PLEKHA7: variants seen among roughly 807,000 people sequenced by gnomAD.
PLEKHA7 encodes the protein pleckstrin homology domain-containing family A member 7.
PLEKHA7 carries 104 observed loss-of-function variants against 170.0 expected under a neutral mutation model. The observed-to-expected ratio is 0.61, with a 90% confidence interval of 0.52 to 0.72. PLEKHA7 has a LOEUF of 0.72. Ranked by LOEUF, PLEKHA7 falls within the 30% of genes least tolerant of loss-of-function variation. The probability of loss-of-function intolerance (pLI) is 0.00; values close to 1 mark genes in which losing one functional copy is unlikely to be tolerated. For synonymous variants in PLEKHA7, 648 were observed against 660.8 expected, an observed-to-expected ratio of 0.98 and a Z score of 0.30; for missense variants, 1,615 against 1,671.7, an observed-to-expected ratio of 0.97 and a Z score of 0.59.
intron 24 of PLEKHA7, 87 bp downstream of exon 24, chr11:16,786,142 A>G: frequency 1.4e-6 from 2 of 1,459,890 alleles, no homozygotes; most frequent in South Asian, 2.6e-5. Flanking sequence ...CCTGTTCAGG[A>G]TGATACCCCA....
chr11:16,836,204 A>G (rs1489207348), intron 9 of PLEKHA7, among the ~76,000 whole-genome samples: 2 of 152,214 alleles, frequency 1.3e-5, no homozygotes, highest in African/African-American at 4.8e-5. Context: ...ACCAGGCCCT[A>G]GATGTGCCAG....
chr11:16,979,800 A>G (rs1385096149), intron 3 of PLEKHA7, among the ~76,000 whole-genome samples: 1 of 152,004 alleles, frequency 6.6e-6, no homozygotes, highest in Non-Finnish European at 1.5e-5. Flanking sequence ...TCTTTGGTCT[A>G]CCAATATTTC....
At chr11:16,985,980 A>G (rs1863702813) in intron 3 of PLEKHA7, among the ~76,000 whole-genome samples, 2 of 152,262 alleles carry the variant, frequency 1.3e-5, no homozygotes, top group South Asian at 4.1e-4. Flanking sequence ...GGGTGGCCAC[A>G]GATGGCTTCC....
At chr11:16,921,596 G>A (rs1033516443) in intron 3 of PLEKHA7, among the ~76,000 whole-genome samples, 8 of 152,170 alleles carry the variant, frequency 5.3e-5, no homozygotes, top group African/African-American at 1.9e-4. Flanking sequence ...ATGACTTCCA[G>A]TAAGGAGTCA....
intron 9 of PLEKHA7, among the ~76,000 whole-genome samples, chr11:16,833,118 G>A (rs1174227711): frequency 1.3e-5 from 2 of 152,182 alleles, no homozygotes; most frequent in African/African-American, 2.4e-5. Flanking sequence ...GAGTTAAATA[G>A]GGCAGCTCCC....
chr11:16,847,773 C>T (rs918962235), intron 8 of PLEKHA7, among the ~76,000 whole-genome samples: 5 of 141,792 alleles, frequency 3.5e-5, no homozygotes, highest in African/African-American at 1.1e-4. Flanking sequence ...ACCCAGGAGG[C>T]GGAGGTTGCA....
chr11:16,890,766 G>GA (rs1856553496), intron 3 of PLEKHA7, among the ~76,000 whole-genome samples: 1 of 151,654 alleles, frequency 6.6e-6, no homozygotes, highest in Non-Finnish European at 1.5e-5. Flanking sequence ...CAAGGATTAA[G>GA]AAAAAAATCA....
At chr11:16,821,581 A>G (rs778315235) in intron 10 of PLEKHA7, among the ~76,000 whole-genome samples, 19 of 152,216 alleles carry the variant, frequency 1.2e-4, no homozygotes, top group Non-Finnish European at 2.6e-4. Flanking sequence ...TGCTCAGTCT[A>G]ATGAGATTAG....
chr11:16,874,444 T>C (rs1351800224), intron 3 of PLEKHA7, among the ~76,000 whole-genome samples: 1 of 152,154 alleles, frequency 6.6e-6, no homozygotes, highest in Non-Finnish European at 1.5e-5. Flanking sequence ...GAGTCAAGGC[T>C]GCAGTGAGCC....
At chr11:16,834,155 C>T (rs10741710) in intron 9 of PLEKHA7, among the ~76,000 whole-genome samples, 69,970 of 151,830 alleles carry the variant, frequency 0.46, 17,817 homozygotes, top group East Asian at 0.71. Context: ...GGATTACAGG[C>T]ATGTGCCAAC....
At position 16,789,742 on chromosome 11, in the gene PLEKHA7, C is replaced by G. The variant is rs201771653; in HGVS notation, c.3156+33G>C. ...GACCCTCCCTCCCCATGTGAAGGAG[C>G]AGGGAGGTCCTCGACAGCTCAAGGC... On this transcript the variant is annotated intron_variant, in intron 22 of 26. Transcript: ENST00000531066. The surrounding 1 kb of genome is among the most constrained non-coding windows in gnomAD (Gnocchi z 4.6). The G allele has an allele frequency of 1.3e-6, 2 of 1,548,994 alleles. No homozygotes were observed. The highest frequency in any genetic ancestry group is 1.8e-6 in the Non-Finnish European group (2 of 1,122,560).
At chr11:16,919,492 T>C (rs1590616634) in intron 3 of PLEKHA7, among the ~76,000 whole-genome samples, 3 of 151,836 alleles carry the variant, frequency 2.0e-5, no homozygotes, top group Admixed American at 1.3e-4. Flanking sequence ...CTGGGCAACA[T>C]AGTGAGATCT....
chr11:16,899,760 T>C (rs1413663321), intron 3 of PLEKHA7, among the ~76,000 whole-genome samples: 1 of 152,236 alleles, frequency 6.6e-6, no homozygotes, highest in Non-Finnish European at 1.5e-5. Context: ...GTATAGTAGA[T>C]AGCATTATTT....
chr11:16,987,722 C>T (rs1387978283), intron 3 of PLEKHA7, among the ~76,000 whole-genome samples: 1 of 152,164 alleles, frequency 6.6e-6, no homozygotes, highest in Non-Finnish European at 1.5e-5. Flanking sequence ...TGTCTAGGCC[C>T]AACTCAAATG....
At chr11:16,860,151 A>G (rs1853821539) in intron 4 of PLEKHA7, among the ~76,000 whole-genome samples, 1 of 152,212 alleles carries the variant, frequency 6.6e-6, no homozygotes, top group East Asian at 1.9e-4. Context: ...CCAGCTGGAA[A>G]GTGACTTGAT....
intron 3 of PLEKHA7, among the ~76,000 whole-genome samples, chr11:16,885,865 C>T (rs979936814): frequency 1.3e-5 from 2 of 151,912 alleles, no homozygotes; most frequent in African/African-American, 4.8e-5. Flanking sequence ...GGTGTGGTGG[C>T]GCATGCCTGT....
At chr11:16,970,860 G>A (rs1199612440) in intron 3 of PLEKHA7, among the ~76,000 whole-genome samples, 2 of 152,172 alleles carry the variant, frequency 1.3e-5, no homozygotes, top group African/African-American at 2.4e-5. Flanking sequence ...AATGTTAATA[G>A]TAGTTAAACC....
chr11:16,912,234 C>T (rs1241724759), intron 3 of PLEKHA7, among the ~76,000 whole-genome samples: 1 of 152,200 alleles, frequency 6.6e-6, no homozygotes, highest in Non-Finnish European at 1.5e-5. Context: ...GAATCTCTGG[C>T]ACTAGGTCCC....
chr11:16,817,424 G>A lies in PLEKHA7; in HGVS notation c.1344-102C>T. On this transcript the variant is annotated intron_variant, in intron 10 of 26. Transcript: ENST00000531066. The surrounding 1 kb of genome is among the most constrained non-coding windows in gnomAD (Gnocchi z 4.4). ...CCCACAAAGCTGGGCATGTGGGACA[G>A]TCCTGTAAGAACCTCAAAAGAATGA... 1 of 1,202,378 alleles carries A rather than the reference G, an allele frequency of 8.3e-7. No homozygotes were observed. Among genetic ancestry groups the A allele is most frequent in the Non-Finnish European group, 1.1e-6 (1 of 878,104 alleles). 74.5% of individuals were successfully genotyped at this position (1,202,378 alleles called of 1,614,324 possible).
Sources: allele counts gnomAD v4.1 joint callset (sites outside exome capture counted in the v4.1 genomes callset), GRCh38; gene constraint gnomAD v4.1.1; non-coding constraint Gnocchi (gnomAD v3.1); transcripts MANE v1.5; gene names NCBI Gene and HGNC (gene_info 2026-07-23, HGNC 2026-07-21).